Variants in NRXN1 observed in about 807,000 individuals in gnomAD.
The protein encoded by NRXN1 is neurexin-1.
NRXN1 carries 39 observed loss-of-function variants against 150.9 expected under a neutral mutation model. The observed-to-expected ratio is 0.26, with a 90% CI of 0.20 to 0.34. The LOEUF (loss-of-function observed/expected upper bound fraction) is 0.34. NRXN1 is among the 10% of genes least tolerant of loss of function. The pLI is 1.00. For missense variants in NRXN1, 1,815 were observed against 1,949.9 expected (o/e 0.93, Z 1.30); for synonymous variants, 924 against 757.0 (o/e 1.22, Z -3.62).
At chr2:50,639,893 T>C (rs1359790419) in intron 5 of NRXN1, among the ~76,000 whole-genome samples, 1 of 152,188 alleles carries the variant, frequency 6.6e-6, no homozygotes, top group Non-Finnish European at 1.5e-5. Flanking sequence ...AATGTTCGAA[T>C]ATTCCTACTT....
intron 18 of NRXN1, among the ~76,000 whole-genome samples, chr2:50,222,770 G>A (rs2063998659): frequency 6.6e-6 from 1 of 151,726 alleles, no homozygotes; most frequent in South Asian, 2.1e-4. Context: ...GTATGCACAT[G>A]ATAATATTTC....
At chr2:50,644,154 T>TG (rs1559066014) in intron 5 of NRXN1, among the ~76,000 whole-genome samples, 2 of 151,172 alleles carry the variant, frequency 1.3e-5, no homozygotes, top group Non-Finnish European at 3.0e-5. Context: ...GATCTTCATG[T>TG]GGAAAAAAAA....
At chr2:50,983,747 C>T (rs1484998981) in intron 2 of NRXN1, among the ~76,000 whole-genome samples, 1 of 152,010 alleles carries the variant, frequency 6.6e-6, no homozygotes, top group African/African-American at 2.4e-5. Flanking sequence ...TGCATTATGT[C>T]CCCTAATCTG....
Position 51,027,495 on chromosome 2 carries a change from G to A in NRXN1, c.772+7C>T. ...CCGGCCCCCGTGGGTCGGGCGTCGG[G>A]CCTTACCTTGGCTGCAGTCCTTGCC... On this transcript the variant is annotated splice_region_variant and intron_variant, in intron 2 of 22. Transcript: ENST00000401669. 1.3e-6 allele frequency: 2 copies of A among 1,519,738 alleles called. No individual in the cohort carries two copies. Among genetic ancestry groups the A allele is most frequent in the Non-Finnish European group, 1.8e-6 (2 of 1,134,118 alleles). 94.1% of individuals were successfully genotyped at this position (1,519,738 alleles called of 1,614,324 possible).
intron 12 of NRXN1, among the ~76,000 whole-genome samples, chr2:50,514,929 G>C (rs1377361479): frequency 6.6e-6 from 1 of 152,098 alleles, no homozygotes. Flanking sequence ...TTTTACTGCT[G>C]TTTGTTTTCT....
At chr2:50,941,132 G>A (rs1689377772) in intron 2 of NRXN1, among the ~76,000 whole-genome samples, 1 of 152,004 alleles carries the variant, frequency 6.6e-6, no homozygotes, top group Non-Finnish European at 1.5e-5. Flanking sequence ...CTGCCATCAT[G>A]CAAGATATGC....
At chr2:50,829,999 G>GAAAAAAAAAAAACAAAAAAAAA (rs1671181742) in intron 5 of NRXN1, among the ~76,000 whole-genome samples, 1 of 58,206 alleles carries the variant, frequency 1.7e-5, no homozygotes, top group Non-Finnish European at 2.6e-5. Context: ...CTGCCTGCTG[G>GAAAAAAAAAAAACAAAAAAAAA]AAAAAAAAAA....
At chr2:50,416,107 A>T (rs1249423818) in intron 17 of NRXN1, among the ~76,000 whole-genome samples, 6 of 152,102 alleles carry the variant, frequency 3.9e-5, no homozygotes, top group African/African-American at 1.4e-4. Flanking sequence ...CAAAGAGCTT[A>T]TACTTCAGTG....
intron 8 of NRXN1, among the ~76,000 whole-genome samples, chr2:50,558,056 C>T (rs1383878644): frequency 1.3e-5 from 2 of 152,188 alleles, no homozygotes; most frequent in Non-Finnish European, 2.9e-5. Flanking sequence ...GCGGCTACCA[C>T]TATCACCAAA....
intron 17 of NRXN1, among the ~76,000 whole-genome samples, chr2:50,375,232 A>G (rs2080394993): frequency 6.6e-6 from 1 of 151,972 alleles, no homozygotes; most frequent in Non-Finnish European, 1.5e-5. Context: ...GCTAAAGACA[A>G]TTATTCATAC....
chr2:50,405,173 G>A (rs1324918118), intron 17 of NRXN1, among the ~76,000 whole-genome samples: 2 of 152,130 alleles, frequency 1.3e-5, no homozygotes, highest in Non-Finnish European at 2.9e-5. Context: ...TGTTTCTCAT[G>A]CTTTCATTTA....
At chr2:50,654,088 G>C (rs1355674977) in intron 5 of NRXN1, among the ~76,000 whole-genome samples, 3 of 141,602 alleles carry the variant, frequency 2.1e-5, no homozygotes, top group Admixed American at 1.5e-4. Context: ...GTGCAGGTTT[G>C]TTACATATGT....
intron 15 of NRXN1, among the ~76,000 whole-genome samples, chr2:50,490,401 T>C (rs2091182650): frequency 6.6e-6 from 1 of 152,120 alleles, no homozygotes; most frequent in Non-Finnish European, 1.5e-5. Flanking sequence ...TCTCTTCCCT[T>C]TCAAGTTCAA....
intron 2 of NRXN1, among the ~76,000 whole-genome samples, chr2:50,966,708 T>C (rs1694159157): frequency 6.6e-6 from 1 of 151,780 alleles, no homozygotes; most frequent in African/African-American, 2.4e-5. Context: ...GTGAGGCAAA[T>C]GTTGTATGGG....
At chr2:50,279,605 A>T (rs2071127549) in intron 17 of NRXN1, among the ~76,000 whole-genome samples, 1 of 152,188 alleles carries the variant, frequency 6.6e-6, no homozygotes, top group Admixed American at 6.5e-5. Context: ...AACATATCAA[A>T]CAACTCTGAT....
intron 5 of NRXN1, among the ~76,000 whole-genome samples, chr2:50,792,664 C>T (rs1199329067): frequency 6.6e-6 from 1 of 151,478 alleles, no homozygotes; most frequent in Non-Finnish European, 1.5e-5. Context: ...TTCCATTTTA[C>T]CAAAAACAGA....
At chr2:50,602,038 C>T (rs1358883134) in intron 8 of NRXN1, among the ~76,000 whole-genome samples, 1 of 152,104 alleles carries the variant, frequency 6.6e-6, no homozygotes, top group Non-Finnish European at 1.5e-5. Context: ...TGAAACATGT[C>T]CCTTCAGTTT....
chr2:50,454,664 T>TCACACACACA lies in NRXN1; in HGVS notation c.3364+10768_3364+10777dup, dbSNP rs3052512. 3.9e-3 allele frequency among the ~76,000 whole-genome samples: 554 copies of TCACACACACA among 140,802 alleles called. 2 individuals carry two copies. Among genetic ancestry groups the TCACACACACA allele is most frequent in the East Asian group, 0.018 (85 of 4,668 alleles). 92.4% of individuals were successfully genotyped at this position (140,802 alleles called of 152,430 possible). A position where few individuals can be genotyped will look rare whatever the true frequency, so the allele number is the denominator to read the frequency against. On this transcript the variant is annotated intron_variant, in intron 17 of 22. Coordinates refer to ENST00000401669, the MANE Select transcript of NRXN1 (RefSeq NM_001330078.2). ...AAAGAGCTGTAGAAATGGGCAAAGATCACACACACACACACACACACACAC... is the reference window on the plus strand; with the variant it reads ...AAAGAGCTGTAGAAATGGGCAAAGATCACACACACACACACACACACACACACACACACAC...
intron 17 of NRXN1, among the ~76,000 whole-genome samples, chr2:50,285,744 C>A (rs2072067106): frequency 6.6e-6 from 1 of 152,002 alleles, no homozygotes; most frequent in Non-Finnish European, 1.5e-5. Context: ...AGTATGCCTA[C>A]AATCTTTCAG....
Sources: allele counts gnomAD v4.1 joint callset (sites outside exome capture counted in the v4.1 genomes callset), GRCh38; gene constraint gnomAD v4.1.1; transcripts MANE v1.5; gene names NCBI Gene and HGNC (gene_info 2026-07-23, HGNC 2026-07-21).